The following PLCH2 variants were observed in gnomAD, a reference collection of about 807,000 sequenced individuals.
The protein encoded by PLCH2 is phospholipase C eta 2.
A neutral mutation model predicts 134.7 loss-of-function variants in PLCH2; 98 were observed. The observed-to-expected ratio is 0.73, with a 90% CI of 0.62 to 0.86. The LOEUF (loss-of-function observed/expected upper bound fraction) is 0.86. Among genes scored for constraint, PLCH2 ranks in the 40% least tolerant of loss-of-function variants. The pLI, the probability that PLCH2 is intolerant of heterozygous loss-of-function variation, is 0.00. For missense variants in PLCH2, 1,994 were observed against 1,986.6 expected (o/e 1.00, Z -0.07); for synonymous variants, 974 against 827.5 (o/e 1.18, Z -3.04).
Position 2,487,578 on chromosome 1 carries a change from C to T in PLCH2, c.1115-20C>T, listed in dbSNP as rs749712625. 6.2e-7 allele frequency: 1 copy of T among 1,606,854 alleles called. No individual in the cohort carries two copies. The highest frequency in any genetic ancestry group is 8.5e-7 in the Non-Finnish European group (1 of 1,177,150). ...CTGTGGCTAGGCCCCTGGGGCTGAC[C>T]AAGGCCTGCCCGCCTGCAGTGGACT... On this transcript the variant is annotated intron_variant, in intron 7 of 21. Transcript: ENST00000378486.
Position 2,498,856 on chromosome 1 carries a change from C to T in PLCH2, c.2434+28C>T, listed in dbSNP as rs775783254. On this transcript the variant is annotated intron_variant, in intron 18 of 21. Coordinates refer to ENST00000378486, the MANE Select transcript of PLCH2 (RefSeq NM_014638.4). The surrounding 1 kb of genome is among the most constrained non-coding windows in gnomAD (Gnocchi z 5.4). ...GAGGCTGGGCCGTGGCTCCGTCACA[C>T]CTGTGATGGAAGTCTGAGGGGGGAG... is the stretch of plus-strand genomic sequence containing the variant. The T allele has an allele frequency of 5.8e-6, 9 of 1,547,404 alleles. No homozygotes were observed. The highest frequency in any genetic ancestry group is 2.3e-5 in the South Asian group (2 of 87,894).
intron 8 of PLCH2, among the ~76,000 whole-genome samples, chr1:2,488,340 G>A (rs1029944222): frequency 1.3e-5 from 2 of 152,204 alleles, no homozygotes; most frequent in African/African-American, 4.8e-5. Context: ...ATGGGGGGAG[G>A]AGAGATGAGC....
At position 2,498,980 on chromosome 1, in the gene PLCH2, A is replaced by G; in HGVS notation, c.2435-104A>G. 2 of 1,431,540 alleles carry G rather than the reference A, an allele frequency of 1.4e-6. No individual in the cohort carries two copies. The highest frequency in any genetic ancestry group is 1.4e-5 in the African/African-American group (1 of 70,904). 88.7% of individuals were successfully genotyped at this position (1,431,540 alleles called of 1,614,324 possible). Reference sequence around the variant, plus strand: ...CTAGGTGGGCAGTCCCGGAAGCAGCACCGGGAGTGGCACTGGGAGTGGTGT... The same window carrying G: ...CTAGGTGGGCAGTCCCGGAAGCAGCGCCGGGAGTGGCACTGGGAGTGGTGT... On this transcript the variant is annotated intron_variant, in intron 18 of 21. Coordinates refer to ENST00000378486, the MANE Select transcript of PLCH2 (RefSeq NM_014638.4). The surrounding 1 kb of genome is among the most constrained non-coding windows in gnomAD (Gnocchi z 5.4).
At chr1:2,422,490 T>G (rs1638569813), upstream of PLCH2, among the ~76,000 whole-genome samples, 1 of 152,234 alleles carries the variant, frequency 6.6e-6, no homozygotes, top group South Asian at 2.1e-4. Context: ...CTCACAGGGC[T>G]GAGCCGCCTT....
intron 2 of PLCH2, among the ~76,000 whole-genome samples, chr1:2,458,586 G>A (rs1253325426): frequency 6.6e-6 from 1 of 152,148 alleles, no homozygotes; most frequent in African/African-American, 2.4e-5. Context: ...TGTGACCCCT[G>A]CTTCCTGGGC....
chr1:2,416,382 G>A, the PLCH2 span, among the ~76,000 whole-genome samples: 1 of 95,078 alleles, frequency 1.1e-5, no homozygotes, highest in Non-Finnish European at 2.0e-5. Context: ...CCACCCACAA[G>A]CTGGCCCCGA....
rs1486038838 is a variant in PLCH2, at chr1:2,489,229, G to A, written c.1258G>A (p.Glu420Lys). 1.1e-5 allele frequency: 18 copies of A among 1,613,724 alleles called. No homozygotes were observed. The highest frequency in any genetic ancestry group is 5.5e-5 in the South Asian group (5 of 91,086). ...KNEYPVILSI[E>K]NHCSVIQQKK... ...CAGGTACCCAGTGATCCTGTCCATC[G>A]AAAACCACTGCAGTGTCATCCAGCA... The change falls in exon 9 of 22, where the codon GAA becomes AAA. Residue 420 changes from glutamate to lysine, a missense_variant. Physicochemically the swap from Glu to Lys is moderately conservative, Grantham distance 56. Coordinates refer to ENST00000378486, the MANE Select transcript of PLCH2 (RefSeq NM_014638.4).
intron 20 of PLCH2, chr1:2,500,220 G>A (rs997568291): frequency 2.3e-5 from 4 of 172,490 alleles, no homozygotes; most frequent in Non-Finnish European, 5.0e-5. Context: ...GCTTCCGCAG[G>A]AAGTGGTCTT....
Position 2,503,992 on chromosome 1 carries a change from C to T in PLCH2, c.3030C>T (p.Pro1010=), listed in dbSNP as rs540634010. 22 of 1,523,904 alleles carry T rather than the reference C, an allele frequency of 1.4e-5. No homozygotes were observed. Among genetic ancestry groups the T allele is most frequent in the Admixed American group, 2.0e-5 (1 of 50,816 alleles). 94.4% of individuals were successfully genotyped at this position (1,523,904 alleles called of 1,614,324 possible). The change falls in exon 22 of 22, where the codon CCC becomes CCT. Residue 1010 remains proline (P), a synonymous_variant. Transcript: ENST00000378486. ...GCCTGGAAACCATCGCTGAGGAGCCCGCCCCAGGCCCTGGTCCCCCGCCAC... is the reference window on the plus strand; with the variant it reads ...GCCTGGAAACCATCGCTGAGGAGCCTGCCCCAGGCCCTGGTCCCCCGCCAC... The part of the protein sequence containing the change: ...LCSLETIAEE[P]APGPGPPPPA...
intron 4 of PLCH2, among the ~76,000 whole-genome samples, chr1:2,483,766 G>GGGGGCGCTGACTCCCGTGTGC (rs1642105963): frequency 6.7e-5 from 1 of 14,918 alleles, no homozygotes; most frequent in African/African-American, 1.9e-4. Flanking sequence ...CCCCCGTTTG[G>GGGGGCGCTGACTCCCGTGTGC]GGGGGCGCTG....
At chr1:2,451,225 C>T (rs905343948) in intron 2 of PLCH2, among the ~76,000 whole-genome samples, 20 of 152,314 alleles carry the variant, frequency 1.3e-4, no homozygotes, top group African/African-American at 4.1e-4. Context: ...CCAGGGCCCT[C>T]CCCCTCCCAG....
chr1:2,504,533 C>T lies in PLCH2; in HGVS notation c.3571C>T (p.Arg1191Cys), dbSNP rs146955653. 26 of 1,612,594 alleles carry T rather than the reference C, an allele frequency of 1.6e-5. No homozygotes were observed. Among genetic ancestry groups the T allele is most frequent in the South Asian group, 8.8e-5 (8 of 91,080 alleles). ...PPRPHSASAARPDLPPVTKSK... is the reference protein window; with the variant it reads ...PPRPHSASAACPDLPPVTKSK... ...CAGGCCCCACTCGGCTTCGGCTGCC[C>T]GCCCAGACCTGCCACCTGTGACCAA... is the stretch of plus-strand genomic sequence containing the variant. Residue 1191 changes from arginine (R) to cysteine (C), a missense_variant, in exon 22 of 22, where the codon CGC (arginine) becomes TGC (cysteine). Arg to Cys is a radical substitution (Grantham distance 180). This residue lies in a region of PLCH2 where 900 missense variants were observed against 752.3 expected (regional missense o/e 1.20). Transcript: ENST00000378486.
intron 2 of PLCH2, among the ~76,000 whole-genome samples, chr1:2,460,486 G>A (rs891579318): frequency 6.6e-6 from 1 of 152,260 alleles, no homozygotes; most frequent in African/African-American, 2.4e-5. Flanking sequence ...CGGGGCATGG[G>A]CCGTGTGGGC....
chr1:2,423,850 G>C (rs531640570), upstream of PLCH2, among the ~76,000 whole-genome samples: 1 of 152,278 alleles, frequency 6.6e-6, no homozygotes, highest in South Asian at 2.1e-4. Flanking sequence ...GGCAGCAACA[G>C]TTATGAGGAG....
upstream of PLCH2, among the ~76,000 whole-genome samples, chr1:2,472,145 C>T (rs566799051): frequency 2.9e-4 from 44 of 152,312 alleles, 1 homozygote; most frequent in African/African-American, 9.1e-4. Flanking sequence ...GCTCGAGGCA[C>T]CGACTCACAC....
rs1262624385 is a variant in PLCH2, at chr1:2,498,405, G to A, written c.2225-118G>A. The A allele has an allele frequency of 3.8e-5, 45 of 1,190,658 alleles. No homozygotes were observed. The highest frequency in any genetic ancestry group is 4.4e-5 in the Non-Finnish European group (38 of 859,432). 73.8% of individuals were successfully genotyped at this position (1,190,658 alleles called of 1,614,324 possible). On this transcript the variant is annotated intron_variant, in intron 16 of 21. Coordinates refer to ENST00000378486, the MANE Select transcript of PLCH2 (RefSeq NM_014638.4). This position sits in a 1 kb window ranked among gnomAD's most constrained non-coding sequence, Gnocchi z 5.4. ...ACCACTGCCTCCCTCCCTCCCCCTG[G>A]CACCGGCTCCAGTCTCCTATGTGGG...
intron 13 of PLCH2, among the ~76,000 whole-genome samples, chr1:2,496,342 C>A (rs1642882286): frequency 6.6e-6 from 1 of 152,244 alleles, no homozygotes; most frequent in Non-Finnish European, 1.5e-5. Context: ...AGCCCCCACA[C>A]CTGCCACGCT....
intron 3 of PLCH2, 82 bp from the exon 4 acceptor site, chr1:2,480,101 T>C: frequency 6.3e-7 from 1 of 1,588,772 alleles, no homozygotes; most frequent in South Asian, 1.1e-5. Flanking sequence ...TGGGGTCCCC[T>C]ATTCCTTCCT....
At position 2,489,372 on chromosome 1, in the gene PLCH2, C is replaced by G; in HGVS notation, c.1401C>G (p.Leu467=). The change falls in exon 9 of 22, where the codon CTC becomes CTG. Residue 467 remains leucine (L), a synonymous_variant. Transcript: ENST00000378486. ...CACAGATGCTCAAGGGCAAGATCCTCGTGAAGGTGAGTGAGCCCCTGCCCT... is the reference window on the plus strand; with the variant it reads ...CACAGATGCTCAAGGGCAAGATCCTGGTGAAGGTGAGTGAGCCCCTGCCCT... The part of the protein sequence containing the change: ...PSPQMLKGKI[L]VKGKKLPANI... The G allele has an allele frequency of 1.2e-6, 2 of 1,613,508 alleles. No individual in the cohort carries two copies. The highest frequency in any genetic ancestry group is 2.2e-5 in the East Asian group (1 of 44,894).
Sources: allele counts gnomAD v4.1 joint callset (sites outside exome capture counted in the v4.1 genomes callset), GRCh38; gene constraint gnomAD v4.1.1; regional missense constraint gnomAD v4.1.1; non-coding constraint Gnocchi (gnomAD v3.1); transcripts MANE v1.5; gene names NCBI Gene and HGNC (gene_info 2026-07-23, HGNC 2026-07-21).